TSPAN14: variants seen among roughly 807,000 people sequenced by gnomAD.
The protein encoded by TSPAN14 is tetraspanin 14.
TSPAN14 carries 16 observed loss-of-function variants against 36.6 expected under a neutral mutation model. The observed-to-expected ratio is 0.44, with a 90% CI of 0.30 to 0.66. TSPAN14 has a LOEUF of 0.66. TSPAN14 is among the 30% of genes least tolerant of loss of function. TSPAN14 has a pLI of 0.12. For synonymous variants in TSPAN14, 139 were observed against 143.8 expected (o/e 0.97, Z 0.24); for missense variants, 231 against 355.1 (o/e 0.65, Z 2.81).
intron 1 of TSPAN14, among the ~76,000 whole-genome samples, chr10:80,455,829 T>A (rs955994998): frequency 6.6e-6 from 1 of 152,072 alleles, no homozygotes; most frequent in African/African-American, 2.4e-5. Context: ...TCCTCCCACC[T>A]CAGCCTCCCA....
intron 2 of TSPAN14, among the ~76,000 whole-genome samples, chr10:80,495,533 T>C (rs1333670680): frequency 6.6e-6 from 1 of 152,220 alleles, no homozygotes; most frequent in Non-Finnish European, 1.5e-5. Context: ...AGTGTGAGGC[T>C]GGGACCACCA....
At chr10:80,459,766 C>T (rs1845887366) in intron 1 of TSPAN14, among the ~76,000 whole-genome samples, 1 of 152,174 alleles carries the variant, frequency 6.6e-6, no homozygotes, top group African/African-American at 2.4e-5. Flanking sequence ...AGGAAATGGG[C>T]CTCTCCCGAA....
intron 1 of TSPAN14, among the ~76,000 whole-genome samples, chr10:80,460,832 A>G (rs1467655220): frequency 6.6e-6 from 1 of 152,002 alleles, no homozygotes; most frequent in Non-Finnish European, 1.5e-5. Flanking sequence ...TCCTGCTGCA[A>G]TTTGTGTTCC....
chr10:80,509,756 G>A lies in TSPAN14; in HGVS notation c.450+285G>A, dbSNP rs758133496. The stretch of plus-strand genomic sequence containing the variant: ...GCCCGGCCCTCCTCTTTCGGCCCCA[G>A]ATCTTTCCAATCCTGCCCAATAGCC... On this transcript the variant is annotated intron_variant, in intron 5 of 8. Transcript: ENST00000429989. This position sits in a 1 kb window ranked among gnomAD's most constrained non-coding sequence, Gnocchi z 4.7. 2 of 417,240 alleles carry A rather than the reference G, an allele frequency of 4.8e-6. No homozygotes were observed. The highest frequency in any genetic ancestry group is 4.0e-5 in the African/African-American group (2 of 49,506). 25.8% of individuals were successfully genotyped at this position (417,240 alleles called of 1,614,324 possible).
intron 3 of TSPAN14, 22 bp from the exon 4 acceptor site, chr10:80,507,206 C>T (rs752526951): frequency 6.2e-7 from 1 of 1,614,034 alleles, no homozygotes; most frequent in African/African-American, 1.3e-5. Flanking sequence ...CAGTGCTGCC[C>T]TGCTTTCTCT....
chr10:80,485,903 G>A (rs1289377658), intron 1 of TSPAN14, among the ~76,000 whole-genome samples: 3 of 152,194 alleles, frequency 2.0e-5, no homozygotes, highest in Non-Finnish European at 4.4e-5. Context: ...GTACAAAAAT[G>A]GCCAAAAATG....
rs192081437 is a variant in TSPAN14 at position 80,487,596 on chromosome 10, C to A, written c.-17-1621C>A. 1.2e-3 allele frequency among the ~76,000 whole-genome samples: 182 copies of A among 152,254 alleles called. 1 individual carries two copies. Among genetic ancestry groups the A allele is most frequent in the African/African-American group, 4.2e-3 (174 of 41,542 alleles). On this transcript the variant is annotated intron_variant, in intron 1 of 8. Coordinates refer to ENST00000429989, the Ensembl canonical transcript of TSPAN14. ...TCTCTTCCTTGAGAGCTGCTTTTCT[C>A]CCTGCAGCCGCTCTGGCCCATACAG... is the stretch of plus-strand genomic sequence containing the variant.
intron 5 of TSPAN14, among the ~76,000 whole-genome samples, chr10:80,510,644 G>A (rs1384112018): frequency 6.6e-6 from 1 of 152,188 alleles, no homozygotes; most frequent in Non-Finnish European, 1.5e-5. Context: ...GGAGGCTGAG[G>A]CGGGTGGATC....
intron 2 of TSPAN14, among the ~76,000 whole-genome samples, chr10:80,493,444 T>C (rs535741284): frequency 5.9e-5 from 9 of 152,230 alleles, no homozygotes; most frequent in Non-Finnish European, 1.3e-4. Context: ...CGAAGAGATA[T>C]TTGTACACCT....
rs1564745325 is a variant in TSPAN14 at position 80,511,768 on chromosome 10, CTCT to C, written c.451-375_451-373del. 8.3e-4 allele frequency among the ~76,000 whole-genome samples: 99 copies of C among 118,712 alleles called. 4 individuals are homozygous for C. The highest frequency in any genetic ancestry group is 2.8e-3 in the African/African-American group (82 of 29,272). The allele number at this position is 118,712 out of a possible 152,430, so 77.9% of individuals were successfully genotyped here. A position where few individuals can be genotyped will look rare whatever the true frequency, so the allele number is the denominator to read the frequency against. Reference sequence around the variant, plus strand: ...TCTCTCTCTCTCTCTCTCTCTCTCTCTCTCCCCTTTTTTCTTTCTCTCCTTTTC... The same window carrying C: ...TCTCTCTCTCTCTCTCTCTCTCTCTCCCCCTTTTTTCTTTCTCTCCTTTTC... On this transcript the variant is annotated intron_variant, in intron 5 of 8. Coordinates refer to ENST00000429989, the Ensembl canonical transcript of TSPAN14.
intron 3 of TSPAN14, 106 bp from the exon 4 acceptor site, chr10:80,507,122 C>T (rs777502224): frequency 4.1e-5 from 59 of 1,436,942 alleles, no homozygotes; most frequent in Non-Finnish European, 5.5e-5. Context: ...GAGGGCTGAG[C>T]CTGGGGAAGC....
chr10:80,489,378 C>T (rs181374233), intron 2 of TSPAN14, 64 bp downstream of exon 2: 1 of 1,163,602 alleles, frequency 8.6e-7, no homozygotes, highest in African/African-American at 1.5e-5. Context: ...TATGGTTTTC[C>T]ACACACTCTT....
At chr10:80,514,353 T>C (rs918778932) in intron 7 of TSPAN14, among the ~76,000 whole-genome samples, 2 of 152,150 alleles carry the variant, frequency 1.3e-5, no homozygotes, top group African/African-American at 4.8e-5. Context: ...GGACAAAGAC[T>C]GCATTTTTAG....
In TSPAN14 at chr10:80,509,434, T is replaced by C; in HGVS notation, c.413T>C (p.Ile138Thr). The C allele has an allele frequency of 6.2e-7, 1 of 1,614,100 alleles. No individual in the cohort carries two copies. Reference sequence around the variant, plus strand: ...AACATCAAGTCCTACCGGGACGATATCGATCTGCAAAACCTCATCGACTCC... The same window carrying C: ...AACATCAAGTCCTACCGGGACGATACCGATCTGCAAAACCTCATCGACTCC... Residue 138 changes from isoleucine (I) to threonine (T), a missense_variant, in exon 5 of 9, where the codon ATC (isoleucine) becomes ACC (threonine). Ile to Thr is a moderately conservative substitution (Grantham distance 89). Coordinates refer to ENST00000429989, the Ensembl canonical transcript of TSPAN14. The surrounding 1 kb of genome is among the most constrained non-coding windows in gnomAD (Gnocchi z 4.7).
At chr10:80,461,684 G>A (rs980112993) in intron 1 of TSPAN14, among the ~76,000 whole-genome samples, 11 of 152,080 alleles carry the variant, frequency 7.2e-5, no homozygotes, top group Non-Finnish European at 1.5e-4. Context: ...TGATGAGGTG[G>A]CAAAGGCAGG....
intron 7 of TSPAN14, 81 bp downstream of exon 7, chr10:80,514,144 G>A: frequency 7.4e-7 from 1 of 1,343,334 alleles, no homozygotes; most frequent in Non-Finnish European, 1.1e-6. Flanking sequence ...TAGCACGAGT[G>A]CAAATTGAAG....
intron 1 of TSPAN14, among the ~76,000 whole-genome samples, chr10:80,462,924 G>A (rs779739678): frequency 1.3e-5 from 2 of 152,264 alleles, no homozygotes; most frequent in East Asian, 1.9e-4. Context: ...GTGGATGCCC[G>A]GGATGCCTGG....
At chr10:80,463,523 C>G (rs1259688203) in intron 1 of TSPAN14, among the ~76,000 whole-genome samples, 1 of 152,192 alleles carries the variant, frequency 6.6e-6, no homozygotes, top group Non-Finnish European at 1.5e-5. Context: ...GATTTTTACT[C>G]TGAGAATTTA....
chr10:80,480,372 C>T (rs1184780755), intron 1 of TSPAN14, among the ~76,000 whole-genome samples: 1 of 152,150 alleles, frequency 6.6e-6, no homozygotes, highest in Non-Finnish European at 1.5e-5. Flanking sequence ...GTCAGTGTGG[C>T]GATTCCTCAG....
Sources: allele counts gnomAD v4.1 joint callset (sites outside exome capture counted in the v4.1 genomes callset), GRCh38; gene constraint gnomAD v4.1.1; non-coding constraint Gnocchi (gnomAD v3.1); transcripts MANE v1.5; gene names NCBI Gene and HGNC (gene_info 2026-07-23, HGNC 2026-07-21).